ANO5: variants seen among roughly 807,000 people sequenced by gnomAD.
ANO5 encodes the protein anoctamin 5.
In ANO5, 109 loss-of-function variants were observed where a neutral mutation model predicts 121.0. The observed-to-expected ratio is 0.90, with a 90% CI of 0.77 to 1.06. The LOEUF (loss-of-function observed/expected upper bound fraction) is 1.06, where lower values mean the gene tolerates loss of function less well. Ranked by LOEUF, ANO5 falls within the 50% of genes least tolerant of loss-of-function variation. The probability of loss-of-function intolerance (pLI) is 0.00; values close to 1 mark genes in which losing one functional copy is unlikely to be tolerated. For missense variants in ANO5, 1,064 were observed against 1,078.5 expected, an observed-to-expected ratio of 0.99 and a Z score of 0.19; for synonymous variants, 406 against 359.9, an observed-to-expected ratio of 1.13 and a Z score of -1.45.
At chr11:22,238,611 A>G (rs1359177383) in intron 8 of ANO5, among the ~76,000 whole-genome samples, 2 of 152,036 alleles carry the variant, frequency 1.3e-5, no homozygotes, top group African/African-American at 2.4e-5. Context: ...TGGTTGTTTA[A>G]TTTCTTAAGA....
chr11:22,234,326 A>G (rs1279607540), intron 7 of ANO5, among the ~76,000 whole-genome samples: 1 of 152,114 alleles, frequency 6.6e-6, no homozygotes, highest in Non-Finnish European at 1.5e-5. Context: ...ATCCCTTCTT[A>G]AAATGAGTTA....
chr11:22,282,134 A>G lies in ANO5; in HGVS notation c.*2369A>G, dbSNP rs575563680. 6 of 152,242 alleles carry G rather than the reference A, an allele frequency of 3.9e-5. No individual in the cohort carries two copies. Among genetic ancestry groups the G allele is most frequent in the African/African-American group, 1.4e-4 (6 of 41,552 alleles). 9.4% of individuals were successfully genotyped at this position (152,242 alleles called of 1,614,324 possible). ...ACCCAACCACCACATGTAAGTTGAT[A>G]ATTACCAGCATGGCAGGTGATTTTA... On this transcript the variant is annotated 3_prime_UTR_variant, in exon 22 of 22. Coordinates refer to ENST00000324559, the MANE Select transcript of ANO5 (RefSeq NM_213599.3).
intron 17 of ANO5, among the ~76,000 whole-genome samples, chr11:22,267,444 A>G (rs1854404108): frequency 6.6e-6 from 1 of 151,000 alleles, no homozygotes; most frequent in South Asian, 2.1e-4. Context: ...TCTACATACA[A>G]TATTATCTAC....
chr11:22,225,820 A>G (rs190181237), intron 5 of ANO5, among the ~76,000 whole-genome samples, 164 bp from the exon 6 acceptor site: 2 of 152,248 alleles, frequency 1.3e-5, no homozygotes, highest in East Asian at 1.9e-4. Flanking sequence ...TTATAGTACA[A>G]GAGAAAAGCA....
chr11:22,260,354 C>T (rs940124892), intron 15 of ANO5, among the ~76,000 whole-genome samples: 4 of 151,850 alleles, frequency 2.6e-5, no homozygotes, highest in South Asian at 4.2e-4. Flanking sequence ...GCAGTAAGAT[C>T]GGAAACTCAA....
chr11:22,221,972 TC>T (rs1852667754), intron 5 of ANO5, among the ~76,000 whole-genome samples: 1 of 152,000 alleles, frequency 6.6e-6, no homozygotes, highest in African/African-American at 2.4e-5. Context: ...TGGAAAGCCT[TC>T]TACCAGGCCT....
chr11:22,269,641 A>T (rs1445672838), intron 17 of ANO5, among the ~76,000 whole-genome samples: 1 of 151,804 alleles, frequency 6.6e-6, no homozygotes, highest in East Asian at 1.9e-4. Context: ...TAAGACTGAA[A>T]TAATTTTTTT....
In ANO5 at chr11:22,274,565, TCAGGC is replaced by T. The variant is rs1590331573; in HGVS notation, c.2236-2_2238del. 2 of 1,583,714 alleles carry T rather than the reference TCAGGC, an allele frequency of 1.3e-6. No individual in the cohort carries two copies. Among genetic ancestry groups the T allele is most frequent in the African/African-American group, 1.4e-5 (1 of 73,816 alleles). Reference sequence around the variant, plus strand: ...ATCTTCCTCTTTTTTTTTTTATTCTTCAGGCCTTTATTGTTGCATTTACGTCAGAC... The same window carrying T: ...ATCTTCCTCTTTTTTTTTTTATTCTTCTTTATTGTTGCATTTACGTCAGAC... On this transcript the variant is annotated splice_acceptor_variant and splice_polypyrimidine_tract_variant and coding_sequence_variant and intron_variant, in exon 20 of 22. Coordinates refer to ENST00000324559, the MANE Select transcript of ANO5 (RefSeq NM_213599.3). LOFTEE classifies it high-confidence loss of function.
At chr11:22,276,696 C>T (rs1377536616) in intron 21 of ANO5, among the ~76,000 whole-genome samples, 3 of 150,626 alleles carry the variant, frequency 2.0e-5, no homozygotes, top group South Asian at 2.1e-4. Flanking sequence ...ATTATGCTTC[C>T]TCTCTTGTGG....
chr11:22,269,153 G>A (rs1197097443), intron 17 of ANO5, among the ~76,000 whole-genome samples: 1 of 149,326 alleles, frequency 6.7e-6, no homozygotes, highest in African/African-American at 2.5e-5. Context: ...GAAAGGAAAG[G>A]AAAGGGAAGG....
intron 2 of ANO5, among the ~76,000 whole-genome samples, chr11:22,204,099 A>G (rs1163118386): frequency 1.3e-5 from 2 of 152,086 alleles, no homozygotes; most frequent in Non-Finnish European, 2.9e-5. Context: ...AAACTCAGAT[A>G]TGCTGATCAT....
At chr11:22,226,193 G>C (rs1852827235) in intron 6 of ANO5, 141 bp downstream of exon 6, 1 of 687,100 alleles carries the variant, frequency 1.5e-6, no homozygotes, top group African/African-American at 1.8e-5. Context: ...CGGGATGATA[G>C]GGCCTGTGGT....
At chr11:22,267,918 T>C (rs956192435) in intron 17 of ANO5, among the ~76,000 whole-genome samples, 3 of 152,196 alleles carry the variant, frequency 2.0e-5, no homozygotes, top group Non-Finnish European at 2.9e-5. Flanking sequence ...GCTCCATCCA[T>C]GTTCCTGCAA....
chr11:22,273,468 T>C (rs1854706035), intron 19 of ANO5, among the ~76,000 whole-genome samples: 1 of 152,102 alleles, frequency 6.6e-6, no homozygotes, highest in Non-Finnish European at 1.5e-5. Flanking sequence ...TCTAACACTT[T>C]TAAGTAGGCA....
chr11:22,244,543 T>C (rs11026474), intron 9 of ANO5, among the ~76,000 whole-genome samples: 17,259 of 151,834 alleles, frequency 0.11, 1,130 homozygotes, highest in African/African-American at 0.18. Flanking sequence ...GTTTGGTCTC[T>C]TTATGTAATC....
At chr11:22,207,312 A>G (rs754335599) in intron 2 of ANO5, among the ~76,000 whole-genome samples, 1 of 152,122 alleles carries the variant, frequency 6.6e-6, no homozygotes, top group Non-Finnish European at 1.5e-5. Flanking sequence ...GCTGCAGTCT[A>G]ATGAAGACTG....
rs756891538 is a variant in ANO5 at position 22,211,226 on chromosome 11, A to G, written c.88-38A>G. On this transcript the variant is annotated intron_variant, in intron 2 of 21. Transcript: ENST00000324559. Reference sequence around the variant, plus strand: ...AAGCACCCTTTGCTCCACCTGCACTATTAATAATAGCATTATATCTTCCCC... The same window carrying G: ...AAGCACCCTTTGCTCCACCTGCACTGTTAATAATAGCATTATATCTTCCCC... 33 of 1,605,166 alleles carry G rather than the reference A, an allele frequency of 2.1e-5. No homozygotes were observed. The East Asian group carries it at 4.7e-4, about 23-fold the overall frequency.
intron 12 of ANO5, among the ~76,000 whole-genome samples, chr11:22,253,691 T>C (rs1853901627): frequency 6.6e-6 from 1 of 152,176 alleles, no homozygotes; most frequent in African/African-American, 2.4e-5. Flanking sequence ...ATAGAATGAA[T>C]AAGTGAATGA....
In ANO5 at chr11:22,274,734, T is replaced by C; in HGVS notation, c.2401T>C (p.Phe801Leu). 1 of 1,613,398 alleles carries C rather than the reference T, an allele frequency of 6.2e-7. No homozygotes were observed. Among genetic ancestry groups the C allele is most frequent in the Non-Finnish European group, 8.5e-7 (1 of 1,179,524 alleles). ...CACTGCACCTTCGGAAAAACGAGAC[T>C]TCATCACTTGCAGGTGATTTGTTTG... ...NHTAPSEKRD[F>L]ITCRYRDYRY... The change falls in exon 20 of 22, where the codon TTC becomes CTC. Residue 801 changes from phenylalanine (F) to leucine (L), a missense_variant. By Grantham distance (22) the Phe-to-Leu change is conservative (BLOSUM62 0). Coordinates refer to ENST00000324559, the MANE Select transcript of ANO5 (RefSeq NM_213599.3).
Sources: allele counts gnomAD v4.1 joint callset (sites outside exome capture counted in the v4.1 genomes callset), GRCh38; gene constraint gnomAD v4.1.1; transcripts MANE v1.5; gene names NCBI Gene and HGNC (gene_info 2026-07-23, HGNC 2026-07-21).